The following CCDC149 variants were observed in gnomAD, a reference collection of about 807,000 sequenced individuals.
The protein encoded by CCDC149 is coiled-coil domain containing 149, also known as coiled-coil domain-containing protein 149.
In CCDC149, 45 loss-of-function variants were observed where a neutral mutation model predicts 59.9. That is an observed-to-expected ratio of 0.75 (90% CI 0.59 to 0.96). The LOEUF is 0.96. Among genes scored for constraint, CCDC149 ranks in the 40% least tolerant of loss-of-function variants. The pLI, the probability that CCDC149 is intolerant of heterozygous loss-of-function variation, is 0.00. For missense variants in CCDC149, 584 were observed against 664.7 expected, an observed-to-expected ratio of 0.88 and a Z score of 1.33; for synonymous variants, 245 against 260.6, an observed-to-expected ratio of 0.94 and a Z score of 0.58.
chr4:24,855,967 G>A (rs1457043196), intron 3 of CCDC149, among the ~76,000 whole-genome samples: 3 of 152,100 alleles, frequency 2.0e-5, no homozygotes, highest in Non-Finnish European at 4.4e-5. Context: ...TAATCTCTTG[G>A]GTCTCCCATC....
chr4:24,954,391 G>A (rs540173570), intron 1 of CCDC149, among the ~76,000 whole-genome samples: 1 of 152,330 alleles, frequency 6.6e-6, no homozygotes, highest in South Asian at 2.1e-4. Context: ...GCTAGTGAGG[G>A]CTCTCTGTAA....
chr4:24,831,433 T>G, intron 9 of CCDC149, 73 bp downstream of exon 9: 1 of 1,520,660 alleles, frequency 6.6e-7, no homozygotes. Flanking sequence ...TCCAGCTGGT[T>G]GACATTCACT....
intron 1 of CCDC149, among the ~76,000 whole-genome samples, chr4:24,938,128 G>C (rs1374523725): frequency 6.6e-6 from 1 of 152,132 alleles, no homozygotes; most frequent in African/African-American, 2.4e-5. Context: ...TCAGAACCAA[G>C]ATCTCCAAAT....
intron 12 of CCDC149, among the ~76,000 whole-genome samples, chr4:24,818,538 G>A (rs1715159519): frequency 6.6e-6 from 1 of 152,226 alleles, no homozygotes; most frequent in Non-Finnish European, 1.5e-5. Flanking sequence ...CAGTTGAGCT[G>A]GGTGGTTCTG....
intron 3 of CCDC149, among the ~76,000 whole-genome samples, chr4:24,859,541 C>A (rs573269410): frequency 1.3e-5 from 2 of 152,216 alleles, no homozygotes; most frequent in East Asian, 3.9e-4. Flanking sequence ...TGGAACAAGA[C>A]AAAGATACTC....
intron 8 of CCDC149, 72 bp from the exon 9 acceptor site, chr4:24,831,722 CCTT>C: frequency 2.1e-6 from 3 of 1,397,754 alleles, no homozygotes; most frequent in South Asian, 1.3e-5. Context: ...CAATGTCAAT[CCTT>C]CTTGGATAAT....
intron 4 of CCDC149, among the ~76,000 whole-genome samples, chr4:24,841,371 T>C (rs1376502550): frequency 6.6e-6 from 1 of 152,246 alleles, no homozygotes; most frequent in Non-Finnish European, 1.5e-5. Flanking sequence ...ATTAAACATG[T>C]TTATTGAGGT....
At chr4:24,899,203 G>A (rs1721015664) in intron 1 of CCDC149, among the ~76,000 whole-genome samples, 1 of 152,208 alleles carries the variant, frequency 6.6e-6, no homozygotes, top group Non-Finnish European at 1.5e-5. Flanking sequence ...TTAAGGACTT[G>A]TTCCAAAGCC....
Position 24,837,474 on chromosome 4 carries a change from C to A in CCDC149, c.490-74G>T. On this transcript the variant is annotated intron_variant, in intron 5 of 12. Coordinates refer to ENST00000635206, the MANE Select transcript of CCDC149 (RefSeq NM_001330643.2). This position sits in a 1 kb window ranked among gnomAD's most constrained non-coding sequence, Gnocchi z 4.3. ...CTTTATGGCCAGAGATGGAGCCTCC[C>A]ACTTGGTTGACTGATTTTTAGAGAG... 1.4e-6 allele frequency: 2 copies of A among 1,461,936 alleles called. No homozygotes were observed. The highest frequency in any genetic ancestry group is 3.6e-4 in the Middle Eastern group (2 of 5,548). The allele number at this position is 1,461,936 out of a possible 1,614,324, so 90.6% of individuals were successfully genotyped here.
intron 1 of CCDC149, among the ~76,000 whole-genome samples, chr4:24,918,392 G>A (rs974674378): frequency 2.6e-5 from 4 of 152,110 alleles, no homozygotes; most frequent in African/African-American, 9.7e-5. Context: ...TCAGAACATC[G>A]GATGTTGATT....
At chr4:24,899,185 T>C (rs1200621261) in intron 1 of CCDC149, among the ~76,000 whole-genome samples, 1 of 152,180 alleles carries the variant, frequency 6.6e-6, no homozygotes, top group Admixed American at 6.5e-5. Flanking sequence ...GTGACACGGA[T>C]GCCCTATTTA....
intron 1 of CCDC149, among the ~76,000 whole-genome samples, chr4:24,963,335 AG>A (rs1723700243): frequency 6.6e-6 from 1 of 152,122 alleles, no homozygotes; most frequent in African/African-American, 2.4e-5. Context: ...CAATCACCAA[AG>A]CCAGGGTAGT....
At chr4:24,813,818 AAG>A (rs1184811569) in intron 12 of CCDC149, among the ~76,000 whole-genome samples, 7 of 152,174 alleles carry the variant, frequency 4.6e-5, no homozygotes, top group Non-Finnish European at 8.8e-5. Context: ...GAAGAAATGA[AAG>A]AGTGAAATCA....
At chr4:24,865,445 T>C (rs1481420733) in intron 3 of CCDC149, among the ~76,000 whole-genome samples, 1 of 152,204 alleles carries the variant, frequency 6.6e-6, no homozygotes, top group Non-Finnish European at 1.5e-5. Context: ...AGAGTGAAAC[T>C]TGCTTTGCTT....
At chr4:24,913,094 C>G (rs1560254108), upstream of CCDC149, 1 of 155,184 alleles carries the variant, frequency 6.4e-6, no homozygotes, top group South Asian at 2.0e-4. Flanking sequence ...AGACACAGCC[C>G]GGGCCGCAGC....
At chr4:24,939,139 C>T (rs1458168071) in intron 1 of CCDC149, among the ~76,000 whole-genome samples, 2 of 152,146 alleles carry the variant, frequency 1.3e-5, no homozygotes, top group East Asian at 1.9e-4. Flanking sequence ...CTGGGAGGCA[C>T]CCCCCAGTAG....
At position 24,923,759 on chromosome 4, in the gene CCDC149, T is replaced by G. The variant is rs575199536; in HGVS notation, c.-64-28641A>C. Among the ~76,000 whole-genome samples, 18 of 152,340 alleles carry G rather than the reference T, an allele frequency of 1.2e-4. No homozygotes were observed. The East Asian group carries it at 2.1e-3, about 18-fold the overall frequency. On this transcript the variant is annotated intron_variant, in intron 1 of 12. Coordinates refer to the CCDC149 transcript ENST00000389609. ...AAGTTAGAATTTATCACACAAGTGCTGGGAACCTTTGAAGTGTGTATTAGG... is the reference window on the plus strand; with the variant it reads ...AAGTTAGAATTTATCACACAAGTGCGGGGAACCTTTGAAGTGTGTATTAGG...
At chr4:24,869,305 C>T (rs930261838) in intron 3 of CCDC149, among the ~76,000 whole-genome samples, 3 of 152,154 alleles carry the variant, frequency 2.0e-5, no homozygotes, top group African/African-American at 7.2e-5. Flanking sequence ...TTGGCAGTCA[C>T]GCTTCCGCTT....
At chr4:24,928,880 A>G (rs1439276829) in intron 1 of CCDC149, among the ~76,000 whole-genome samples, 1 of 152,208 alleles carries the variant, frequency 6.6e-6, no homozygotes, top group Non-Finnish European at 1.5e-5. Context: ...ACTTCATGTG[A>G]CAGGCGGGGC....
Sources: gnomAD v4.1 joint callset for allele counts (sites outside exome capture counted in the v4.1 genomes callset) on GRCh38, gnomAD v4.1.1 for gene constraint, Gnocchi (gnomAD v3.1) non-coding constraint, MANE v1.5 for transcripts, NCBI Gene and HGNC (gene_info 2026-07-23, HGNC 2026-07-21) for gene names.